The following EHBP1L1 variants were observed in gnomAD, a reference collection of about 807,000 sequenced individuals.
EHBP1L1 encodes the protein EH domain binding protein 1 like 1, also known as EH domain-binding protein 1-like protein 1.
In EHBP1L1, 122 loss-of-function variants were observed where a neutral mutation model predicts 151.1. That is an observed-to-expected ratio of 0.81 (90% CI 0.70 to 0.94). The LOEUF (loss-of-function observed/expected upper bound fraction) is 0.94, where lower values mean the gene tolerates loss of function less well. Ranked by LOEUF, EHBP1L1 falls within the 40% of genes least tolerant of loss-of-function variation. EHBP1L1 has a pLI of 0.00. For synonymous variants in EHBP1L1, 878 were observed against 810.1 expected (o/e 1.08, Z -1.42); for missense variants, 1,941 against 1,959.8 (o/e 0.99, Z 0.18).
At chr11:65,592,136 T>C (rs767713805) in intron 18 of EHBP1L1, 46 bp downstream of exon 18, 9 of 1,610,368 alleles carry the variant, frequency 5.6e-6, no homozygotes, top group Non-Finnish European at 7.6e-6. Flanking sequence ...GTCCGGGACT[T>C]GCTCCCGCAG....
chr11:65,581,122 G>A lies in EHBP1L1; in HGVS notation c.699G>A (p.Gln233=), dbSNP rs768663782. Residue 233 remains glutamine, a synonymous_variant, in exon 7 of 19, where the codon CAG becomes CAA. Coordinates refer to ENST00000309295, the MANE Select transcript of EHBP1L1 (RefSeq NM_001099409.3). ...EEEEGQGRPQ[Q]AVASPSNAED... is the part of the protein sequence containing the mutation. ...AGGAAGGCCAAGGACGACCCCAGCA[G>A]GCAGGTGAGACCCAGGCTGGGGTTG... 2.0e-5 allele frequency: 32 copies of A among 1,612,908 alleles called. No individual in the cohort carries two copies. The highest frequency in any genetic ancestry group is 3.3e-5 in the Admixed American group (2 of 59,964).
rs1858157731 is a variant in EHBP1L1, at chr11:65,589,697, G to A, written c.3934-54G>A. The A allele has an allele frequency of 9.4e-6, 14 of 1,482,236 alleles. No homozygotes were observed. The South Asian group carries it at 1.9e-4, about 20-fold the overall frequency. The allele number at this position is 1,482,236 out of a possible 1,614,324, so 91.8% of individuals were successfully genotyped here. ...GTATGAGTGGCTCTGGCTGGCCCCA[G>A]GCCCAGGCTGGTGGGAAACCCCTCC... On this transcript the variant is annotated intron_variant, in intron 12 of 18. Transcript: ENST00000309295.
At position 65,584,221 on chromosome 11, in the gene EHBP1L1, G is replaced by GC. The variant is rs773546323; in HGVS notation, c.3094-17dup. 3.1e-6 allele frequency: 5 copies of GC among 1,602,710 alleles called. No homozygotes were observed. The African/African-American group carries it at 5.4e-5, about 17-fold the overall frequency. ...TACATCCCATTTATACATTCCCTAA[G>GC]CCCACCCCTGTGTCCTCAGGCACCA... On this transcript the variant is annotated intron_variant, in intron 9 of 18. Coordinates refer to ENST00000309295, the MANE Select transcript of EHBP1L1 (RefSeq NM_001099409.3).
At chr11:65,584,762 G>A (rs575470243) in intron 11 of EHBP1L1, 197 bp from the exon 12 acceptor site, 1 of 947,280 alleles carries the variant, frequency 1.1e-6, no homozygotes, top group South Asian at 1.8e-5. Context: ...CTTTGGTAAC[G>A]GGGTGGACGG....
chr11:65,582,278 C>T lies in EHBP1L1; in HGVS notation c.1606C>T (p.Pro536Ser), dbSNP rs781504385. ...GPSVGAISTR[P>S]QVSSWQGALL... ...TTCTGTTGGAGCAATAAGCACCAGG[C>T]CCCAGGTGAGCAGCTGGCAGGGGGC... The change falls in exon 9 of 19, where the codon CCC (proline) becomes TCC (serine). Residue 536 changes from proline to serine, a missense_variant. Physicochemically the swap from Pro to Ser is moderately conservative, Grantham distance 74. Transcript: ENST00000309295. 22 of 1,530,012 alleles carry T rather than the reference C, an allele frequency of 1.4e-5. No homozygotes were observed. The highest frequency in any genetic ancestry group is 2.8e-5 in the African/African-American group (2 of 71,906). The allele number at this position is 1,530,012 out of a possible 1,614,324, so 94.8% of individuals were successfully genotyped here.
Position 65,589,964 on chromosome 11 carries a change from C to T in EHBP1L1, c.4032C>T (p.Pro1344=), listed in dbSNP as rs141925323. The T allele has an allele frequency of 2.4e-4, 373 of 1,584,190 alleles. 1 individual carries two copies. The African/African-American group carries it at 2.7e-3, about 12-fold the overall frequency. ...PGGSSPSEEP[P]PSPGEEAGLQ... is the part of the protein sequence containing the mutation. The stretch of plus-strand genomic sequence containing the variant: ...GGAGTTCCCCCTCGGAGGAACCACC[C>T]CCAAGCCCAGGGGAGGAGGCTGGGC... The change falls in exon 14 of 19, where the codon CCC becomes CCT. Residue 1344 remains proline, a synonymous_variant. Transcript: ENST00000309295.
chr11:65,579,484 T>C (rs778046940), intron 3 of EHBP1L1, 48 bp downstream of exon 3: 3 of 1,338,062 alleles, frequency 2.2e-6, no homozygotes, highest in South Asian at 3.2e-5. Context: ...ACACAGGCAG[T>C]TGCAACAATT....
Position 65,581,799 on chromosome 11 carries a change from T to C in EHBP1L1, c.1127T>C (p.Leu376Pro). 1.2e-6 allele frequency: 2 copies of C among 1,613,418 alleles called. No individual in the cohort carries two copies. Among genetic ancestry groups the C allele is most frequent in the Non-Finnish European group, 1.7e-6 (2 of 1,179,716 alleles). ...GSGDPFGRQR[L>P]KAEEMDTEDR... ...GGAGACCCTTTTGGAAGGCAGAGAC[T>C]CAAGGCTGAAGAGATGGACACTGAG... Residue 376 changes from leucine to proline, a missense_variant, in exon 9 of 19, where the codon CTC becomes CCC. Transcript: ENST00000309295.
chr11:65,580,846 C>A, intron 6 of EHBP1L1: 1 of 1,272,936 alleles, frequency 7.9e-7, no homozygotes, highest in Non-Finnish European at 1.0e-6. Context: ...CTCCCTGCTG[C>A]TTGTCCAGGC....
chr11:65,583,387 A>C lies in EHBP1L1; in HGVS notation c.2715A>C (p.Pro905=). Reference sequence around the variant, plus strand: ...TCAAATATGAGGCTTTAAGGGCCCCAGTCACTCAGCCAAGAGTTTTAGGAT... The same window carrying C: ...TCAAATATGAGGCTTTAAGGGCCCCCGTCACTCAGCCAAGAGTTTTAGGAT... The part of the protein sequence containing the change: ...SALKYEALRA[P]VTQPRVLGSQ... The change falls in exon 9 of 19, where the codon CCA becomes CCC. Residue 905 remains proline (P), a synonymous_variant. Coordinates refer to ENST00000309295, the MANE Select transcript of EHBP1L1 (RefSeq NM_001099409.3). The C allele has an allele frequency of 6.2e-7, 1 of 1,613,572 alleles. No individual in the cohort carries two copies. The highest frequency in any genetic ancestry group is 8.5e-7 in the Non-Finnish European group (1 of 1,179,742).
Position 65,589,773 on chromosome 11 carries a change from G to A in EHBP1L1, c.3956G>A (p.Ser1319Asn). The A allele has an allele frequency of 6.4e-7, 1 of 1,555,070 alleles. No homozygotes were observed. Among genetic ancestry groups the A allele is most frequent in the Non-Finnish European group, 8.7e-7 (1 of 1,149,442 alleles). The stretch of plus-strand genomic sequence containing the variant: ...CAGGAAGGCCAGGCCCCTGACCCCA[G>A]CCCTGCCCCAGGCCCACCCACAGCT... ...AAAEGQAPDPSPAPGPPTAAD... is the reference protein window; with the variant it reads ...AAAEGQAPDPNPAPGPPTAAD... Residue 1319 changes from serine to asparagine, a missense_variant, in exon 13 of 19, where the codon AGC becomes AAC. By Grantham distance (46) the Ser-to-Asn change is conservative. Transcript: ENST00000309295.
chr11:65,583,844 A>G, intron 9 of EHBP1L1, 79 bp downstream of exon 9: 1 of 1,429,154 alleles, frequency 7.0e-7, no homozygotes, highest in Non-Finnish European at 9.1e-7. Flanking sequence ...CTCTGCATGG[A>G]CCCACCTGGT....
chr11:65,581,166 C>G (rs371428479), intron 7 of EHBP1L1, 40 bp downstream of exon 7: 2 of 1,611,598 alleles, frequency 1.2e-6, no homozygotes, highest in African/African-American at 2.7e-5. Context: ...GACTGGACCC[C>G]AGGTCACTGG....
At chr11:65,588,395 G>A (rs1030136181) in intron 12 of EHBP1L1, among the ~76,000 whole-genome samples, 3 of 152,164 alleles carry the variant, frequency 2.0e-5, no homozygotes, top group Admixed American at 6.5e-5. Context: ...AGGCTGGGGG[G>A]CTGAGGAGAG....
At chr11:65,589,885 C>G in intron 13 of EHBP1L1, 51 bp from the exon 14 acceptor site, 1 of 1,533,786 alleles carries the variant, frequency 6.5e-7, no homozygotes, top group Non-Finnish European at 8.8e-7. Flanking sequence ...TGGGGACTTC[C>G]TGGGGGTGGG....
Position 65,585,529 on chromosome 11 carries a change from C to G in EHBP1L1, c.3871C>G (p.Arg1291Gly). 6.4e-7 allele frequency: 1 copy of G among 1,574,456 alleles called. No homozygotes were observed. The highest frequency in any genetic ancestry group is 8.6e-7 in the Non-Finnish European group (1 of 1,167,696). ...DLLKKRRSRL[R>G]NSSSFSMDDP... is the part of the protein sequence containing the mutation. Reference sequence around the variant, plus strand: ...GCTCAAGAAGAGGCGCTCGCGGCTGCGGAACAGCAGCTCGTTCTCGATGGA... The same window carrying G: ...GCTCAAGAAGAGGCGCTCGCGGCTGGGGAACAGCAGCTCGTTCTCGATGGA... The change falls in exon 12 of 19, where the codon CGG becomes GGG. Residue 1291 changes from arginine to glycine, a missense_variant. By Grantham distance (125) the Arg-to-Gly change is moderately radical. Transcript: ENST00000309295. The surrounding 1 kb of genome is among the most constrained non-coding windows in gnomAD (Gnocchi z 4.0).
Position 65,583,493 on chromosome 11 carries a change from G to A in EHBP1L1, c.2821G>A (p.Val941Ile). ...VLRVQEAEAG[V>I]WGMSEGKSGA... ...GAGAGTCCAGGAGGCAGAGGCTGGG[G>A]TTTGGGGGATGTCAGAGGGCAAATC... Residue 941 changes from valine to isoleucine, a missense_variant, in exon 9 of 19, where the codon GTT (valine) becomes ATT (isoleucine). Transcript: ENST00000309295. 1.2e-6 allele frequency: 2 copies of A among 1,613,540 alleles called. No individual in the cohort carries two copies. The highest frequency in any genetic ancestry group is 1.7e-5 in the Admixed American group (1 of 60,004).
intron 1 of EHBP1L1, 122 bp downstream of exon 1, chr11:65,576,528 G>A: frequency 2.3e-6 from 2 of 858,820 alleles, no homozygotes; most frequent in South Asian, 1.8e-5. Context: ...CCCAGCTTGG[G>A]CCCTGGTTCC....
intron 2 of EHBP1L1, 49 bp from the exon 3 acceptor site, chr11:65,579,292 T>G: frequency 1.3e-6 from 2 of 1,482,990 alleles, no homozygotes; most frequent in Non-Finnish European, 9.1e-7. Flanking sequence ...GGGGTGCAGG[T>G]GGGAGGGAAG....
Sources: gnomAD v4.1 joint callset for allele counts (sites outside exome capture counted in the v4.1 genomes callset) on GRCh38, gnomAD v4.1.1 for gene constraint, Gnocchi (gnomAD v3.1) non-coding constraint, MANE v1.5 for transcripts, NCBI Gene and HGNC (gene_info 2026-07-23, HGNC 2026-07-21) for gene names.